RBM6: variants seen among roughly 807,000 people sequenced by gnomAD.
The protein encoded by RBM6 is RNA binding motif protein 6.
A neutral mutation model predicts 140.4 loss-of-function variants in RBM6; 23 were observed. That is an observed-to-expected ratio of 0.16 (90% CI 0.12 to 0.23). The LOEUF (loss-of-function observed/expected upper bound fraction) is 0.23, where lower values mean the gene tolerates loss of function less well. RBM6 is among the 10% of genes least tolerant of loss of function. RBM6 has a pLI of 1.00. For missense variants in RBM6, 1,139 were observed against 1,386.7 expected, an observed-to-expected ratio of 0.82 and a Z score of 2.84; for synonymous variants, 439 against 475.6, an observed-to-expected ratio of 0.92 and a Z score of 1.00.
intron 6 of RBM6, among the ~76,000 whole-genome samples, chr3:50,018,183 C>G (rs2087269126): frequency 6.6e-6 from 1 of 152,166 alleles, no homozygotes; most frequent in Non-Finnish European, 1.5e-5. Flanking sequence ...CCTGTTTGTT[C>G]TTTCCTCTTG....
chr3:50,027,215 A>G (rs1232528093), intron 6 of RBM6, among the ~76,000 whole-genome samples: 1 of 152,138 alleles, frequency 6.6e-6, no homozygotes, highest in Non-Finnish European at 1.5e-5. Flanking sequence ...GGTAGGTTTA[A>G]GTGGTGCTCA....
intron 6 of RBM6, among the ~76,000 whole-genome samples, chr3:50,013,799 C>T (rs576169245): frequency 6.6e-6 from 1 of 152,262 alleles, no homozygotes; most frequent in South Asian, 2.1e-4. Context: ...TCCTGAGTGG[C>T]CTTAATAATG....
At chr3:50,026,082 T>C (rs531887521) in intron 6 of RBM6, among the ~76,000 whole-genome samples, 18 of 151,554 alleles carry the variant, frequency 1.2e-4, no homozygotes, top group Non-Finnish European at 2.2e-4. Flanking sequence ...AGACTTTGTC[T>C]CTTTTTTTTT....
chr3:50,027,125 T>A (rs2087884749), intron 6 of RBM6, among the ~76,000 whole-genome samples: 1 of 151,878 alleles, frequency 6.6e-6, no homozygotes, highest in Non-Finnish European at 1.5e-5. Context: ...ATAAGGAGGA[T>A]GAGTTTTGCA....
At chr3:49,980,332 A>G (rs1209090418) in intron 5 of RBM6, among the ~76,000 whole-genome samples, 1 of 152,138 alleles carries the variant, frequency 6.6e-6, no homozygotes, top group Admixed American at 6.6e-5. Context: ...TAGAAAATAC[A>G]TAATGAAGTT....
At chr3:50,035,088 A>G (rs955602425) in intron 6 of RBM6, among the ~76,000 whole-genome samples, 6 of 127,746 alleles carry the variant, frequency 4.7e-5, no homozygotes, top group Admixed American at 3.0e-4. Context: ...TTATCTGTCT[A>G]TCTGCTAAGG....
intron 1 of RBM6, among the ~76,000 whole-genome samples, chr3:49,954,610 G>C (rs2083889579): frequency 6.6e-6 from 1 of 151,722 alleles, no homozygotes; most frequent in African/African-American, 2.4e-5. Context: ...CTGTTTCCTT[G>C]GTCTGTATGT....
intron 5 of RBM6, among the ~76,000 whole-genome samples, chr3:49,984,665 T>TC (rs2085482315): frequency 3.0e-5 from 4 of 132,802 alleles, no homozygotes; most frequent in Admixed American, 1.5e-4. Flanking sequence ...CGCATCGCAT[T>TC]GCATCACATC....
intron 6 of RBM6, 109 bp from the exon 7 acceptor site, chr3:50,048,134 ACT>A: frequency 6.7e-7 from 1 of 1,494,654 alleles, no homozygotes; most frequent in Non-Finnish European, 8.9e-7. Flanking sequence ...AATTAAGCTC[ACT>A]CTTTATAAAA....
intron 6 of RBM6, among the ~76,000 whole-genome samples, chr3:50,026,634 CAAAA>C (rs1202838550): frequency 9.0e-6 from 1 of 110,508 alleles, no homozygotes; most frequent in Admixed American, 9.9e-5. Flanking sequence ...CTCTGTCTCT[CAAAA>C]AAAAAAAAAA....
In RBM6 at chr3:49,967,289, C is replaced by T. The variant is rs778215538; in HGVS notation, c.45-181C>T. On this transcript the variant is annotated intron_variant, in intron 2 of 20. Coordinates refer to ENST00000266022, the MANE Select transcript of RBM6 (RefSeq NM_005777.3). This position sits in a 1 kb window ranked among gnomAD's most constrained non-coding sequence, Gnocchi z 4.0. ...GAAATGGGAGCATAAAAGTTTACTC[C>T]GCCACTTCGTCTTAAAATAGCAAAA... is the stretch of plus-strand genomic sequence containing the variant. The T allele has an allele frequency of 2.9e-5, 40 of 1,383,658 alleles. No homozygotes were observed. Among genetic ancestry groups the T allele is most frequent in the Middle Eastern group, 2.7e-4 (1 of 3,708 alleles). 85.7% of individuals were successfully genotyped at this position (1,383,658 alleles called of 1,614,324 possible). A position where few individuals can be genotyped will look rare whatever the true frequency, so the allele number is the denominator to read the frequency against.
At chr3:49,974,139 C>T (rs1292591598) in intron 4 of RBM6, among the ~76,000 whole-genome samples, 3 of 151,820 alleles carry the variant, frequency 2.0e-5, no homozygotes, top group Admixed American at 6.6e-5. Context: ...CGTCATGATC[C>T]GCCTGTCTCG....
At chr3:49,959,877 C>T (rs555999799) in intron 1 of RBM6, among the ~76,000 whole-genome samples, 31 of 152,216 alleles carry the variant, frequency 2.0e-4, no homozygotes, top group African/African-American at 7.5e-4. Context: ...CGGCCTAGGT[C>T]TTGTATGATC....
chr3:50,037,806 T>C (rs1430312733), intron 6 of RBM6, among the ~76,000 whole-genome samples: 1 of 150,282 alleles, frequency 6.7e-6, no homozygotes, highest in African/African-American at 2.5e-5. Context: ...GCGTGGCAAA[T>C]TTCTTTTCTT....
At chr3:49,969,851 C>T (rs1254900902) in intron 3 of RBM6, among the ~76,000 whole-genome samples, 2 of 152,084 alleles carry the variant, frequency 1.3e-5, no homozygotes, top group African/African-American at 4.8e-5. Flanking sequence ...TCACTGCAAC[C>T]TCTACCTCCT....
chr3:50,017,587 AT>A (rs1387210070), intron 6 of RBM6, among the ~76,000 whole-genome samples: 1 of 151,816 alleles, frequency 6.6e-6, no homozygotes, highest in Non-Finnish European at 1.5e-5. Context: ...AGAAAAAAAA[AT>A]GTCTATTCAG....
rs2087203539 is a variant in RBM6, at chr3:50,017,067, C to G, written c.1557+17554C>G. On this transcript the variant is annotated intron_variant, in intron 6 of 20. Coordinates refer to ENST00000266022, the MANE Select transcript of RBM6 (RefSeq NM_005777.3). ...TCTTGAACTCCTAGGCTCAAGTGAT[C>G]CTCCCACCTTGGTTTCTGAAAGTGC... 2.6e-5 allele frequency among the ~76,000 whole-genome samples: 4 copies of G among 152,062 alleles called. 1 individual carries two copies. Among genetic ancestry groups the G allele is most frequent in the Admixed American group, 2.6e-4 (4 of 15,262 alleles).
intron 6 of RBM6, among the ~76,000 whole-genome samples, chr3:50,021,915 A>G (rs2087511496): frequency 6.6e-6 from 1 of 151,504 alleles, no homozygotes; most frequent in African/African-American, 2.4e-5. Context: ...ATTTAGAAGC[A>G]TGTTTTTGTA....
rs1306054670 is a variant in RBM6, at chr3:49,968,044, G to A, written c.619G>A (p.Ala207Thr). ...GGATTTATCAGATTTGGATTTTAGG[G>A]CCAGAGAACAGTCCCGTTCTGATTT... ...GRDLSDLDFR[A>T]REQSRSDFRN... Residue 207 changes from alanine (A) to threonine (T), a missense_variant, in exon 3 of 21, where the codon GCC (alanine) becomes ACC (threonine). Around this residue, in one of 9 missense-constraint regions of RBM6, gnomAD observed 566 missense variants for 612.7 expected, o/e 0.92. Transcript: ENST00000266022. The A allele has an allele frequency of 1.2e-6, 2 of 1,614,028 alleles. No homozygotes were observed. Among genetic ancestry groups the A allele is most frequent in the Admixed American group, 1.7e-5 (1 of 59,982 alleles).
Sources: gnomAD v4.1 joint callset for allele counts (sites outside exome capture counted in the v4.1 genomes callset) on GRCh38, gnomAD v4.1.1 for gene constraint, gnomAD v4.1.1 regional missense constraint, Gnocchi (gnomAD v3.1) non-coding constraint, MANE v1.5 for transcripts, NCBI Gene and HGNC (gene_info 2026-07-23, HGNC 2026-07-21) for gene names.